Variants in RNF24 observed in about 807,000 individuals in gnomAD.
RNF24 encodes the protein ring finger protein 24.
Under a neutral mutation model 20.0 loss-of-function variants are expected in RNF24, and 14 were observed. That is an observed-to-expected ratio of 0.70 (90% CI 0.46 to 1.10). RNF24 has a LOEUF of 1.10. Ranked by LOEUF, RNF24 falls within the 50% of genes least tolerant of loss-of-function variation. RNF24 has a pLI of 0.00. For missense variants in RNF24, 124 were observed against 177.6 expected (o/e 0.70, Z 1.71); for synonymous variants, 45 against 61.1 (o/e 0.74, Z 1.23).
chr20:4,005,936 C>T (rs1981829991), intron 1 of RNF24, among the ~76,000 whole-genome samples: 1 of 152,164 alleles, frequency 6.6e-6, no homozygotes, highest in Admixed American at 6.5e-5. Flanking sequence ...ACTTATTTTG[C>T]TGTCAATTAA....
At chr20:3,971,311 T>C (rs1978342173) in intron 1 of RNF24, among the ~76,000 whole-genome samples, 1 of 152,158 alleles carries the variant, frequency 6.6e-6, no homozygotes, top group East Asian at 1.9e-4. Flanking sequence ...CAAGACAGCC[T>C]CACATGAAGG....
At chr20:3,962,354 A>AAAT (rs1055535060) in intron 2 of RNF24, among the ~76,000 whole-genome samples, 3 of 152,134 alleles carry the variant, frequency 2.0e-5, no homozygotes, top group African/African-American at 2.4e-5. Flanking sequence ...AACCCATCTC[A>AAAT]AATAATAATA....
Position 3,933,831 on chromosome 20 carries a change from C to T in RNF24, c.*232G>A. 2.8e-6 allele frequency: 1 copy of T among 355,116 alleles called. No individual in the cohort carries two copies. Among genetic ancestry groups the T allele is most frequent in the Non-Finnish European group, 5.0e-6 (1 of 198,638 alleles). The allele number at this position is 355,116 out of a possible 1,614,324, so 22.0% of individuals were successfully genotyped here. On this transcript the variant is annotated 3_prime_UTR_variant, in exon 6 of 6. Coordinates refer to ENST00000358395, the MANE Select transcript of RNF24 (RefSeq NM_001134337.3). Reference sequence around the variant, plus strand: ...CCTCATGAAGTTTCTTGAGGCAAACCCGCAGGCTCATCCACTCCTCTTCTC... The same window carrying T: ...CCTCATGAAGTTTCTTGAGGCAAACTCGCAGGCTCATCCACTCCTCTTCTC...
intron 2 of RNF24, among the ~76,000 whole-genome samples, chr20:3,949,136 T>C (rs763634391): frequency 7.2e-5 from 11 of 152,164 alleles, no homozygotes; most frequent in Non-Finnish European, 1.3e-4. Context: ...TCCTAGCACT[T>C]TGGGAGGCCG....
At chr20:3,970,448 C>T (rs1288697692) in intron 1 of RNF24, among the ~76,000 whole-genome samples, 1 of 152,046 alleles carries the variant, frequency 6.6e-6, no homozygotes, top group South Asian at 2.1e-4. Flanking sequence ...AATTACTCAT[C>T]GTACCAAGAC....
chr20:4,009,894 T>C (rs1216738578), intron 1 of RNF24, among the ~76,000 whole-genome samples: 1 of 152,080 alleles, frequency 6.6e-6, no homozygotes, highest in Admixed American at 6.6e-5. Flanking sequence ...TAAAAATATG[T>C]ATCCAAATTA....
intron 2 of RNF24, among the ~76,000 whole-genome samples, chr20:3,962,525 T>C (rs754582113): frequency 9.9e-5 from 15 of 151,548 alleles, no homozygotes; most frequent in South Asian, 8.3e-4. Context: ...TGTCTACAAA[T>C]AGACAAACAC....
At chr20:3,955,160 T>C (rs1469740565) in intron 2 of RNF24, among the ~76,000 whole-genome samples, 1 of 152,256 alleles carries the variant, frequency 6.6e-6, no homozygotes, top group African/African-American at 2.4e-5. Context: ...TGTAACTTCT[T>C]TGGAGAATTG....
intron 1 of RNF24, among the ~76,000 whole-genome samples, chr20:4,011,119 T>C (rs1181184253): frequency 6.6e-6 from 1 of 152,108 alleles, no homozygotes; most frequent in Non-Finnish European, 1.5e-5. Context: ...AAACTGAAGA[T>C]CCTAAAATCT....
chr20:3,953,463 C>A (rs1311903503), intron 2 of RNF24, among the ~76,000 whole-genome samples: 1 of 83,382 alleles, frequency 1.2e-5, no homozygotes, highest in Non-Finnish European at 2.2e-5. Context: ...AAAACACATT[C>A]TCTCTTTTTT....
At chr20:3,991,150 T>C (rs1420902478) in intron 1 of RNF24, among the ~76,000 whole-genome samples, 3 of 152,178 alleles carry the variant, frequency 2.0e-5, no homozygotes, top group East Asian at 3.9e-4. Context: ...ATTTTGCTGC[T>C]AGGATATGTT....
intron 4 of RNF24, among the ~76,000 whole-genome samples, chr20:3,942,619 C>A (rs2090970218): frequency 6.6e-6 from 1 of 151,944 alleles, no homozygotes; most frequent in Non-Finnish European, 1.5e-5. Context: ...ACTACAGGCA[C>A]CCACCACCAC....
intron 1 of RNF24, among the ~76,000 whole-genome samples, chr20:3,987,592 T>G (rs1006094780): frequency 2.0e-5 from 3 of 152,298 alleles, no homozygotes; most frequent in African/African-American, 4.8e-5. Context: ...ACTCATTAGC[T>G]CCTGGTTCTA....
rs1188191426 is a variant in RNF24 at position 4,001,069 on chromosome 20, C to T, written c.-8+14368G>A. Among the ~76,000 whole-genome samples, 6 of 152,200 alleles carry T rather than the reference C, an allele frequency of 3.9e-5. No homozygotes were observed. In the East Asian group the frequency reaches 9.7e-4, roughly 24 times the overall value. ...GTTACCTGAGCTCAGGAGTTCGAGA[C>T]CAGCCTGGGCAACACAGTGAAACCC... On this transcript the variant is annotated intron_variant, in intron 1 of 5. Transcript: ENST00000358395.
At chr20:3,992,187 C>G (rs1980503924) in intron 1 of RNF24, among the ~76,000 whole-genome samples, 1 of 152,218 alleles carries the variant, frequency 6.6e-6, no homozygotes, top group Non-Finnish European at 1.5e-5. Flanking sequence ...GTAAGCACTA[C>G]TGATGAGCAG....
intron 1 of RNF24, among the ~76,000 whole-genome samples, chr20:3,966,498 G>GTGTGTGTA (rs1314743445): frequency 6.6e-6 from 1 of 151,790 alleles, no homozygotes; most frequent in East Asian, 1.9e-4. Flanking sequence ...GTGTGTGTGT[G>GTGTGTGTA]TGTGTGTGTT....
At chr20:3,958,454 A>G (rs1445648308) in intron 2 of RNF24, among the ~76,000 whole-genome samples, 2 of 152,184 alleles carry the variant, frequency 1.3e-5, no homozygotes, top group African/African-American at 4.8e-5. Flanking sequence ...GTTTTGCCCC[A>G]TTATAGCCTC....
At chr20:3,968,445 C>T (rs540388870) in intron 1 of RNF24, among the ~76,000 whole-genome samples, 41 of 152,140 alleles carry the variant, frequency 2.7e-4, no homozygotes, top group African/African-American at 8.9e-4. Flanking sequence ...CCCACCTGTA[C>T]AAATAAAAAT....
chr20:3,952,019 T>A (rs1442526605), intron 2 of RNF24, among the ~76,000 whole-genome samples: 1 of 152,204 alleles, frequency 6.6e-6, no homozygotes, highest in Non-Finnish European at 1.5e-5. Flanking sequence ...TGAACAGCAC[T>A]TTCTCTTAAT....
Sources: allele counts gnomAD v4.1 joint callset (sites outside exome capture counted in the v4.1 genomes callset), GRCh38; gene constraint gnomAD v4.1.1; transcripts MANE v1.5; gene names NCBI Gene and HGNC (gene_info 2026-07-23, HGNC 2026-07-21).